CSMD1: variants seen among roughly 807,000 people sequenced by gnomAD.
The protein encoded by CSMD1 is CUB and sushi domain-containing protein 1.
CSMD1 carries 213 observed loss-of-function variants against 417.5 expected under a neutral mutation model. The ratio of observed to expected loss-of-function variants is 0.51; its 90% CI spans 0.46 to 0.57. CSMD1 has a LOEUF of 0.57. Among genes scored for constraint, CSMD1 ranks in the 20% least tolerant of loss-of-function variants. The probability of loss-of-function intolerance (pLI) is 0.00; values close to 1 mark genes in which losing one functional copy is unlikely to be tolerated. For synonymous variants in CSMD1, 2,862 were observed against 1,736.8 expected, an observed-to-expected ratio of 1.65 and a Z score of -16.11; for missense variants, 6,923 against 4,529.7, an observed-to-expected ratio of 1.53 and a Z score of -15.17.
intron 3 of CSMD1, among the ~76,000 whole-genome samples, chr8:4,129,966 C>T (rs778470091): frequency 6.6e-6 from 1 of 152,034 alleles, no homozygotes; most frequent in African/African-American, 2.4e-5. Flanking sequence ...TTTTCAGTTT[C>T]TTCCCAGTTG....
chr8:3,946,129 C>A (rs1282622841), intron 5 of CSMD1, among the ~76,000 whole-genome samples: 1 of 152,106 alleles, frequency 6.6e-6, no homozygotes, highest in African/African-American at 2.4e-5. Context: ...ATTCCATGCA[C>A]ATGATCTCAC....
At chr8:2,959,815 G>C (rs1185746722) in intron 62 of CSMD1, among the ~76,000 whole-genome samples, 4 of 152,132 alleles carry the variant, frequency 2.6e-5, no homozygotes, top group South Asian at 4.1e-4. Flanking sequence ...TCCTAATAAA[G>C]GAAGAAATAA....
At chr8:3,283,262 T>C (rs565473223) in intron 26 of CSMD1, among the ~76,000 whole-genome samples, 1 of 152,082 alleles carries the variant, frequency 6.6e-6, no homozygotes, top group African/African-American at 2.4e-5. Context: ...AGCAGGTTGT[T>C]TGCAGAGAGA....
At chr8:4,905,214 T>A (rs1294639145) in intron 1 of CSMD1, among the ~76,000 whole-genome samples, 1 of 152,174 alleles carries the variant, frequency 6.6e-6, no homozygotes, top group African/African-American at 2.4e-5. Context: ...ATCTGTGATT[T>A]TCATACAGGC....
chr8:3,801,179 A>G (rs969523208), intron 5 of CSMD1, among the ~76,000 whole-genome samples: 2 of 152,112 alleles, frequency 1.3e-5, no homozygotes, highest in Non-Finnish European at 2.9e-5. Flanking sequence ...GATAGTCCAC[A>G]TAATGAGAGA....
chr8:3,373,814 C>G (rs17065996), intron 18 of CSMD1: 46,220 of 151,988 alleles, frequency 0.3, 7,793 homozygotes, highest in African/African-American at 0.47. Context: ...TGTAACCCAG[C>G]CAACACCAAG....
chr8:3,634,537 T>C (rs541489514), intron 7 of CSMD1, among the ~76,000 whole-genome samples: 2 of 152,150 alleles, frequency 1.3e-5, no homozygotes, highest in Non-Finnish European at 2.9e-5. Flanking sequence ...ACCTCTTCCC[T>C]TTTTTGCCTT....
At chr8:4,913,459 G>T (rs190192838) in intron 1 of CSMD1, among the ~76,000 whole-genome samples, 6 of 152,044 alleles carry the variant, frequency 3.9e-5, no homozygotes, top group Admixed American at 3.9e-4. Flanking sequence ...GCTATTAATG[G>T]CCATTGTCCA....
At chr8:3,002,056 G>C (rs999691946) in intron 52 of CSMD1, among the ~76,000 whole-genome samples, 6 of 152,170 alleles carry the variant, frequency 3.9e-5, no homozygotes, top group African/African-American at 1.4e-4. Context: ...GAAGAGATTA[G>C]ACCACAAAAA....
intron 5 of CSMD1, among the ~76,000 whole-genome samples, chr8:3,889,322 C>T (rs758840979): frequency 1.2e-4 from 18 of 150,774 alleles, no homozygotes; most frequent in African/African-American, 2.2e-4. Flanking sequence ...GAAGAAGAGA[C>T]GATAATCTGC....
intron 7 of CSMD1, among the ~76,000 whole-genome samples, chr8:3,664,581 G>A (rs1362324442): frequency 6.6e-6 from 1 of 152,220 alleles, no homozygotes; most frequent in African/African-American, 2.4e-5. Context: ...AGAGACTGAG[G>A]AGTTTTCCTC....
chr8:4,028,423 G>T (rs950881908), intron 4 of CSMD1, among the ~76,000 whole-genome samples: 1 of 152,042 alleles, frequency 6.6e-6, no homozygotes, highest in Non-Finnish European at 1.5e-5. Flanking sequence ...GGTGGTAGTA[G>T]TAGCAGTCAT....
chr8:4,358,959 G>A (rs1419708601), intron 3 of CSMD1, among the ~76,000 whole-genome samples: 3 of 99,092 alleles, frequency 3.0e-5, no homozygotes, highest in African/African-American at 1.2e-4. Context: ...CACTTCCAGA[G>A]TCTTGTGCAC....
intron 5 of CSMD1, among the ~76,000 whole-genome samples, chr8:3,920,648 C>G (rs1365689978): frequency 6.6e-6 from 1 of 151,842 alleles, no homozygotes; most frequent in Non-Finnish European, 1.5e-5. Flanking sequence ...GAAGTATATT[C>G]CTTCAACACA....
intron 3 of CSMD1, among the ~76,000 whole-genome samples, chr8:4,130,442 A>C (rs1803029615): frequency 6.6e-6 from 1 of 152,078 alleles, no homozygotes; most frequent in Non-Finnish European, 1.5e-5. Flanking sequence ...TTTAGTGCAA[A>C]AATTTCTGGT....
intron 7 of CSMD1, among the ~76,000 whole-genome samples, chr8:3,639,731 T>G (rs545180306): frequency 1.3e-5 from 2 of 152,226 alleles, no homozygotes; most frequent in Non-Finnish European, 2.9e-5. Flanking sequence ...CAATGATTTT[T>G]CTTTTGCATT....
chr8:3,227,736 A>G (rs996788845), intron 27 of CSMD1, among the ~76,000 whole-genome samples: 6 of 152,092 alleles, frequency 3.9e-5, no homozygotes, highest in African/African-American at 1.4e-4. Context: ...TTTACGAAAC[A>G]GTCAAGCAGG....
chr8:3,069,593 T>A (rs1813189057), intron 49 of CSMD1, among the ~76,000 whole-genome samples: 1 of 152,184 alleles, frequency 6.6e-6, no homozygotes, highest in African/African-American at 2.4e-5. Flanking sequence ...TCGCAAGGCC[T>A]TGGGCAGCTT....
At position 3,662,284 on chromosome 8, in the gene CSMD1, T is replaced by A. The variant is rs184302357; in HGVS notation, c.1010-45487A>T. Among the ~76,000 whole-genome samples, 614 of 152,334 alleles carry A rather than the reference T, an allele frequency of 4.0e-3. 4 individuals carry two copies. The highest frequency in any genetic ancestry group is 0.013 in the African/African-American group (545 of 41,566). Reference sequence around the variant, plus strand: ...AGCATTTTTATTTTCTTTCTCATTGTCACTAGTGAGTAAAATGAACTATAA... The same window carrying A: ...AGCATTTTTATTTTCTTTCTCATTGACACTAGTGAGTAAAATGAACTATAA... On this transcript the variant is annotated intron_variant, in intron 7 of 69. Coordinates refer to ENST00000635120, the MANE Select transcript of CSMD1 (RefSeq NM_033225.6).
Sources: allele counts gnomAD v4.1 joint callset (sites outside exome capture counted in the v4.1 genomes callset), GRCh38; gene constraint gnomAD v4.1.1; transcripts MANE v1.5; gene names NCBI Gene and HGNC (gene_info 2026-07-23, HGNC 2026-07-21).